BCO1: variants seen among roughly 807,000 people sequenced by gnomAD.
The protein encoded by BCO1 is beta-carotene oxygenase 1, also known as beta,beta-carotene 15,15'-dioxygenase.
In BCO1, 54 loss-of-function variants were observed where a neutral mutation model predicts 56.3. That is an observed-to-expected ratio of 0.96 (90% CI 0.77 to 1.20). BCO1 has a LOEUF of 1.20. BCO1 is among the 50% of genes most tolerant of loss of function. The pLI is 0.00. For missense variants in BCO1, 801 were observed against 690.9 expected (o/e 1.16, Z -1.79); for synonymous variants, 318 against 266.1 (o/e 1.20, Z -1.90).
In BCO1 at chr16:81,264,428, A is replaced by G. The variant is rs67054945; in HGVS notation, c.472-212A>G. 0.19 allele frequency among the ~76,000 whole-genome samples: 29,500 copies of G among 152,160 alleles called. 3,538 individuals carry two copies. Among genetic ancestry groups the G allele is most frequent in the Non-Finnish European group, 0.27 (18,155 of 67,976 alleles). ...TCAAATCCCCATGTGAGGTTGTATA[A>G]GGTCACAAGAGTGAAAGTCTTCTTT... On this transcript the variant is annotated intron_variant, in intron 4 of 10. Transcript: ENST00000258168.
intron 2 of BCO1, among the ~76,000 whole-genome samples, chr16:81,247,100 C>T (rs1355630173): frequency 2.0e-5 from 3 of 152,112 alleles, no homozygotes; most frequent in East Asian, 1.9e-4. Flanking sequence ...AATCAAGAGC[C>T]GAGTTCTTAA....
chr16:81,285,576 G>C lies in BCO1; in HGVS notation c.1244G>C (p.Gly415Ala). Residue 415 changes from glycine to alanine, a missense_variant, in exon 9 of 11, where the codon GGA becomes GCA. Gly to Ala is a moderately conservative substitution (Grantham distance 60). Coordinates refer to ENST00000258168, the MANE Select transcript of BCO1 (RefSeq NM_017429.3). ...ELPRVNYAHN[G>A]KQYRYVFATG... ...CCACGGGTCAATTATGCTCACAATG[G>C]AAAGCAATACCGATATGTCTTTGCT... is the stretch of plus-strand genomic sequence containing the variant. The C allele has an allele frequency of 6.2e-7, 1 of 1,613,916 alleles. No individual in the cohort carries two copies. Among genetic ancestry groups the C allele is most frequent in the African/African-American group, 1.3e-5 (1 of 75,040 alleles).
chr16:81,249,727 T>C (rs9926126), intron 2 of BCO1, among the ~76,000 whole-genome samples: 66,355 of 151,720 alleles, frequency 0.44, 14,869 homozygotes, highest in Middle Eastern at 0.53. Flanking sequence ...CAATCTGGCA[T>C]TGGCTGGGAA....
chr16:81,279,871 A>T (rs908126387), intron 7 of BCO1, among the ~76,000 whole-genome samples: 1 of 152,218 alleles, frequency 6.6e-6, no homozygotes, highest in African/African-American at 2.4e-5. Flanking sequence ...TTCTGCAGTG[A>T]TAACTTTTCC....
rs185531681 is a variant in BCO1 at position 81,245,958 on chromosome 16, G to A, written c.193+355G>A. Among the ~76,000 whole-genome samples, 15 of 149,464 alleles carry A rather than the reference G, an allele frequency of 1.0e-4. No homozygotes were observed. The East Asian group carries it at 3.0e-3, about 29-fold the overall frequency. ...ACTCACGGCAACCTGCATCTCCCAG[G>A]TTCCAGTGATTCTCCTGCCTCAGCC... On this transcript the variant is annotated intron_variant, in intron 2 of 10. Coordinates refer to ENST00000258168, the MANE Select transcript of BCO1 (RefSeq NM_017429.3).
intron 7 of BCO1, among the ~76,000 whole-genome samples, chr16:81,274,213 T>C (rs1907410006): frequency 6.6e-6 from 1 of 151,074 alleles, no homozygotes; most frequent in Admixed American, 6.6e-5. Context: ...TGCTCGAGAA[T>C]GCTTTGCTGC....
chr16:81,246,422 A>T (rs1905420066), intron 2 of BCO1, among the ~76,000 whole-genome samples: 1 of 152,316 alleles, frequency 6.6e-6, no homozygotes. Context: ...GCAAGCACAG[A>T]CTTTCCTAAA....
chr16:81,290,297 C>G (rs766158672), intron 10 of BCO1, 51 bp from the exon 11 acceptor site: 21 of 1,458,624 alleles, frequency 1.4e-5, no homozygotes, highest in Non-Finnish European at 1.7e-5. Flanking sequence ...ATTCATCCCT[C>G]CGACTGAAGC....
intron 4 of BCO1, chr16:81,262,522 A>C (rs935598351): frequency 5.9e-6 from 3 of 509,746 alleles, no homozygotes; most frequent in African/African-American, 5.8e-5. Flanking sequence ...CCTACAAAAA[A>C]GATTGCTTTA....
intron 7 of BCO1, among the ~76,000 whole-genome samples, chr16:81,277,318 A>AC (rs1480941079): frequency 6.6e-6 from 1 of 152,054 alleles, no homozygotes; most frequent in African/African-American, 2.4e-5. Context: ...TCTTCATCAC[A>AC]ATGTTCTAAG....
At chr16:81,280,750 C>T (rs1422363131) in intron 7 of BCO1, 107 bp from the exon 8 acceptor site, 2 of 797,000 alleles carry the variant, frequency 2.5e-6, no homozygotes, top group African/African-American at 1.7e-5. Context: ...TGAGGCTAAG[C>T]CAAGATGACA....
chr16:81,262,284 G>A lies in BCO1; in HGVS notation c.471+1G>A, dbSNP rs149750747. ...ACAGACTCTGGAAACCCTGGAGAAGGTATCAACACATATGTAACCAGCATC... is the reference window on the plus strand; with the variant it reads ...ACAGACTCTGGAAACCCTGGAGAAGATATCAACACATATGTAACCAGCATC... On this transcript the variant is annotated splice_donor_variant, in intron 4 of 10. Coordinates refer to ENST00000258168, the MANE Select transcript of BCO1 (RefSeq NM_017429.3). LOFTEE classifies it high-confidence loss of function. The A allele has an allele frequency of 3.1e-6, 5 of 1,612,610 alleles. No individual in the cohort carries two copies. The highest frequency in any genetic ancestry group is 1.7e-5 in the Admixed American group (1 of 59,994).
chr16:81,271,476 A>G (rs1440222930), intron 7 of BCO1, among the ~76,000 whole-genome samples: 1 of 152,120 alleles, frequency 6.6e-6, no homozygotes, highest in Non-Finnish European at 1.5e-5. Context: ...TGCATCCACC[A>G]CCACGATAAA....
Position 81,270,623 on chromosome 16 carries a change from C to G in BCO1, c.1101+207C>G, listed in dbSNP as rs1211180751. On this transcript the variant is annotated intron_variant, in intron 7 of 10. Coordinates refer to ENST00000258168, the MANE Select transcript of BCO1 (RefSeq NM_017429.3). ...ATAAGTAAAAAGGAGAAAAAAATCC[C>G]TATAAACCTACCACCGAAGATGATC... 1.3e-4 allele frequency among the ~76,000 whole-genome samples: 20 copies of G among 151,610 alleles called. No individual in the cohort carries two copies. In the East Asian group the frequency reaches 3.9e-3, roughly 29 times the overall value.
chr16:81,282,792 ACCCATCCAAT>A lies in BCO1; in HGVS notation c.1207+1833_1207+1842del, dbSNP rs1315971195. 5.3e-5 allele frequency among the ~76,000 whole-genome samples: 8 copies of A among 152,138 alleles called. No homozygotes were observed. In the South Asian group the frequency reaches 1.7e-3, roughly 32 times the overall value. ...TGCCCCCGTGACAGCGCTTTGGGCT[ACCCATCCAAT>A]CCTCCCATCATGCATGGATTGTGTG... On this transcript the variant is annotated intron_variant, in intron 8 of 10. Coordinates refer to ENST00000258168, the MANE Select transcript of BCO1 (RefSeq NM_017429.3).
At chr16:81,273,396 C>T (rs1483650881) in intron 7 of BCO1, among the ~76,000 whole-genome samples, 1 of 152,150 alleles carries the variant, frequency 6.6e-6, no homozygotes, top group East Asian at 1.9e-4. Context: ...GCAGGCCTGG[C>T]AGACGGTCCT....
chr16:81,252,546 G>A (rs1221386228), intron 2 of BCO1, among the ~76,000 whole-genome samples: 1 of 152,178 alleles, frequency 6.6e-6, no homozygotes, highest in Non-Finnish European at 1.5e-5. Flanking sequence ...GTGAGCCACA[G>A]CACCCAGCCA....
At chr16:81,282,145 G>A (rs777779097) in intron 8 of BCO1, among the ~76,000 whole-genome samples, 18 of 152,212 alleles carry the variant, frequency 1.2e-4, no homozygotes, top group Non-Finnish European at 1.9e-4. Flanking sequence ...TTGGGATGCT[G>A]AGGTGGGCAG....
intron 1 of BCO1, among the ~76,000 whole-genome samples, chr16:81,239,266 C>T (rs546460421): frequency 1.3e-5 from 2 of 152,220 alleles, no homozygotes; most frequent in African/African-American, 2.4e-5. Context: ...ATCCACCCAC[C>T]TCGGCCTCCG....
Sources: allele counts gnomAD v4.1 joint callset (sites outside exome capture counted in the v4.1 genomes callset), GRCh38; gene constraint gnomAD v4.1.1; transcripts MANE v1.5; gene names NCBI Gene and HGNC (gene_info 2026-07-23, HGNC 2026-07-21).